The following TNRC6C variants were observed in gnomAD, a reference collection of about 807,000 sequenced individuals.
TNRC6C encodes the protein trinucleotide repeat-containing gene 6C protein.
Under a neutral mutation model 153.7 loss-of-function variants are expected in TNRC6C, and 20 were observed. The ratio of observed to expected loss-of-function variants is 0.13; its 90% CI spans 0.09 to 0.19. TNRC6C has a LOEUF of 0.19. Among genes scored for constraint, TNRC6C ranks in the 10% least tolerant of loss-of-function variants. The pLI is 1.00. For synonymous variants in TNRC6C, 811 were observed against 841.4 expected (o/e 0.96, Z 0.63); for missense variants, 1,987 against 2,172.0 (o/e 0.91, Z 1.69).
At chr17:78,034,668 C>T (rs2072144285) in intron 2 of TNRC6C, among the ~76,000 whole-genome samples, 2 of 152,128 alleles carry the variant, frequency 1.3e-5, no homozygotes, top group African/African-American at 4.8e-5. Flanking sequence ...TTGGAAATAT[C>T]CTATGAAGAA....
intron 1 of TNRC6C, among the ~76,000 whole-genome samples, chr17:77,988,189 A>G (rs1218010539): frequency 6.6e-6 from 1 of 152,094 alleles, no homozygotes; most frequent in Non-Finnish European, 1.5e-5. Flanking sequence ...CCGTCTCAAA[A>G]AATATGAGAC....
intron 1 of TNRC6C, among the ~76,000 whole-genome samples, chr17:78,030,292 C>T (rs112260153): frequency 0.017 from 2,572 of 151,834 alleles, 72 homozygotes; most frequent in African/African-American, 0.059. Flanking sequence ...TGGGATTACC[C>T]GTACCTGCCA....
chr17:78,098,015 G>T (rs1226887597), intron 16 of TNRC6C, among the ~76,000 whole-genome samples, 154 bp downstream of exon 19: 1 of 152,218 alleles, frequency 6.6e-6, no homozygotes, highest in Non-Finnish European at 1.5e-5. Flanking sequence ...GCCTTGCCCA[G>T]GCACAGTGGG....
intron 1 of TNRC6C, among the ~76,000 whole-genome samples, chr17:77,963,204 A>AGATTT (rs2070874340): frequency 6.6e-6 from 1 of 152,230 alleles, no homozygotes; most frequent in Non-Finnish European, 1.5e-5. Flanking sequence ...TGTAAAGGTT[A>AGATTT]CTTGTCAGAA....
At chr17:77,990,174 G>A (rs1447658208) in intron 1 of TNRC6C, among the ~76,000 whole-genome samples, 1 of 152,102 alleles carries the variant, frequency 6.6e-6, no homozygotes, top group African/African-American at 2.4e-5. Flanking sequence ...CTTCTGAATG[G>A]TGTTCAAGCC....
chr17:78,100,457 G>A (rs966168831), intron 17 of TNRC6C, among the ~76,000 whole-genome samples: 2 of 152,232 alleles, frequency 1.3e-5, no homozygotes, highest in African/African-American at 4.8e-5. Flanking sequence ...GCCAAGGCTT[G>A]GAGATTGCTC....
chr17:78,048,200 T>C lies in TNRC6C; in HGVS notation c.-218-645T>C, dbSNP rs865936148. Among the ~76,000 whole-genome samples, 15 of 152,186 alleles carry C rather than the reference T, an allele frequency of 9.9e-5. 1 individual carries two copies. The highest frequency in any genetic ancestry group is 6.8e-3 in the Middle Eastern group (2 of 294). On this transcript the variant is annotated intron_variant, in intron 2 of 19. Coordinates refer to ENST00000301624, the Ensembl canonical transcript of TNRC6C. The stretch of plus-strand genomic sequence containing the variant: ...GTGCAGGAGACAGTGATAAACCAAA[T>C]TGCAGATAAGATCAGATAAAGTAGT...
intron 1 of TNRC6C, among the ~76,000 whole-genome samples, chr17:77,968,322 G>A (rs905065376): frequency 1.3e-5 from 2 of 151,540 alleles, no homozygotes; most frequent in African/African-American, 4.9e-5. Context: ...GTCAGCCACC[G>A]CGCCTGGCTG....
At chr17:77,990,136 A>C (rs1451309690) in intron 1 of TNRC6C, among the ~76,000 whole-genome samples, 2 of 152,072 alleles carry the variant, frequency 1.3e-5, no homozygotes, top group African/African-American at 4.8e-5. Flanking sequence ...CCCATATCCA[A>C]TTCATCACCC....
intron 1 of TNRC6C, among the ~76,000 whole-genome samples, chr17:78,023,282 T>A (rs997633584): frequency 2.8e-4 from 43 of 152,246 alleles, no homozygotes; most frequent in Admixed American, 2.0e-3. Flanking sequence ...TACTGAAGGA[T>A]GACTGTACTT....
intron 16 of TNRC6C, among the ~76,000 whole-genome samples, chr17:78,096,142 T>C (rs571430167): frequency 3.9e-5 from 6 of 152,160 alleles, no homozygotes; most frequent in Admixed American, 1.3e-4. Context: ...AAAGACCTTC[T>C]TGAGGGAATT....
intron 13 of TNRC6C, among the ~76,000 whole-genome samples, chr17:78,088,910 C>A (rs2073345319): frequency 6.6e-6 from 1 of 150,788 alleles, no homozygotes; most frequent in Non-Finnish European, 1.5e-5. Flanking sequence ...TTCTATTATT[C>A]ACCTGTCTTC....
Position 77,987,845 on chromosome 17 carries a change from A to G in TNRC6C, c.-37-16325A>G, listed in dbSNP as rs145498595. ...CAGGCATACACCACCATGCCTGGCTAATTTTTATATTTTTAGTAGAGATGG... is the reference window on the plus strand; with the variant it reads ...CAGGCATACACCACCATGCCTGGCTGATTTTTATATTTTTAGTAGAGATGG... On this transcript the variant is annotated intron_variant, in intron 1 of 22. Transcript: ENST00000636222. Among the ~76,000 whole-genome samples, 178 of 152,076 alleles carry G rather than the reference A, an allele frequency of 1.2e-3. 2 individuals carry two copies. In the East Asian group the frequency reaches 0.031, roughly 26 times the overall value.
intron 1 of TNRC6C, among the ~76,000 whole-genome samples, chr17:78,011,846 C>T (rs1018253892): frequency 1.3e-5 from 2 of 152,212 alleles, no homozygotes; most frequent in African/African-American, 4.8e-5. Flanking sequence ...TTTAGCCATT[C>T]TAATAGGTAT....
intron 1 of TNRC6C, 101 bp downstream of exon 1, chr17:77,959,369 C>T (rs1268143811): frequency 6.6e-6 from 1 of 151,648 alleles, no homozygotes; most frequent in Non-Finnish European, 1.5e-5. Context: ...GGGCGCTGGC[C>T]CCTAGCGACC....
chr17:77,993,808 A>C (rs985075168), intron 1 of TNRC6C, among the ~76,000 whole-genome samples: 2 of 152,122 alleles, frequency 1.3e-5, no homozygotes, highest in Non-Finnish European at 2.9e-5. Flanking sequence ...TCACATTTTT[A>C]ATGTGAAATA....
chr17:78,105,080 C>T (rs1000174154), exon 20 of TNRC6C: 4 of 422,026 alleles, frequency 9.5e-6, no homozygotes, highest in East Asian at 3.6e-5. Flanking sequence ...TTATTTTGTG[C>T]GTCTTATGTT....
At chr17:78,039,126 A>G (rs1055680259) in intron 2 of TNRC6C, among the ~76,000 whole-genome samples, 3 of 152,246 alleles carry the variant, frequency 2.0e-5, no homozygotes, top group African/African-American at 7.2e-5. Flanking sequence ...GTCGAGAGGC[A>G]GTAGGGACAA....
At chr17:78,081,521 AT>A (rs2073179697) in intron 10 of TNRC6C, among the ~76,000 whole-genome samples, 1 of 152,240 alleles carries the variant, frequency 6.6e-6, no homozygotes, top group Non-Finnish European at 1.5e-5. Flanking sequence ...ATAAGCCACC[AT>A]AACAAAGAGG....
Sources: gnomAD v4.1 joint callset for allele counts (sites outside exome capture counted in the v4.1 genomes callset) on GRCh38, gnomAD v4.1.1 for gene constraint, MANE v1.5 for transcripts, NCBI Gene and HGNC (gene_info 2026-07-23, HGNC 2026-07-21) for gene names.